The following GPHN variants were observed in gnomAD, a reference collection of about 807,000 sequenced individuals.
GPHN encodes gephyrin.
In GPHN, 17 loss-of-function variants were observed where a neutral mutation model predicts 95.5. The observed-to-expected ratio is 0.18, with a 90% CI of 0.12 to 0.27. The LOEUF (loss-of-function observed/expected upper bound fraction) is 0.27. Ranked by LOEUF, GPHN falls within the 10% of genes least tolerant of loss-of-function variation. The pLI, the probability that GPHN is intolerant of heterozygous loss-of-function variation, is 1.00. For synonymous variants in GPHN, 320 were observed against 322.5 expected (o/e 0.99, Z 0.08); for missense variants, 660 against 978.1 (o/e 0.67, Z 4.34).
At chr14:66,509,031 CT>C in intron 1 of GPHN, 1 of 234,964 alleles carries the variant, frequency 4.3e-6, no homozygotes, top group Non-Finnish European at 8.4e-6. Context: ...CTCTCCTTCC[CT>C]TCCCCCCACC....
chr14:66,854,463 T>A (rs1696241514), intron 4 of GPHN, among the ~76,000 whole-genome samples: 1 of 152,250 alleles, frequency 6.6e-6, no homozygotes, highest in Non-Finnish European at 1.5e-5. Context: ...ATCTTAAATG[T>A]ACATACTTTT....
At chr14:66,809,116 GAC>G (rs1236639813) in intron 3 of GPHN, among the ~76,000 whole-genome samples, 2 of 152,134 alleles carry the variant, frequency 1.3e-5, no homozygotes, top group African/African-American at 4.8e-5. Context: ...GCAAAGGAAA[GAC>G]ATTTTCAGAT....
intron 9 of GPHN, among the ~76,000 whole-genome samples, chr14:67,008,962 A>G (rs1034730883): frequency 1.3e-5 from 2 of 152,204 alleles, no homozygotes; most frequent in African/African-American, 4.8e-5. Flanking sequence ...TGAAGGTTGA[A>G]GTAAAAAATG....
the GPHN span, chr14:67,208,043 A>G: frequency 1.6e-6 from 1 of 637,858 alleles, no homozygotes; most frequent in Non-Finnish European, 1.9e-6. Context: ...GGCTCTCCCA[A>G]TGGTCGTGCC....
the GPHN span, among the ~76,000 whole-genome samples, chr14:67,603,108 C>T: frequency 3.3e-5 from 5 of 149,822 alleles, no homozygotes; most frequent in East Asian, 3.9e-4. Flanking sequence ...GCTCTGTCAC[C>T]GAAAGCGGAG....
At chr14:66,897,539 T>C (rs2064916625) in intron 5 of GPHN, among the ~76,000 whole-genome samples, 1 of 152,078 alleles carries the variant, frequency 6.6e-6, no homozygotes, top group Non-Finnish European at 1.5e-5. Flanking sequence ...ATTTTCTAGT[T>C]CAATATTTTG....
chr14:66,943,290 G>T (rs1053540656), intron 8 of GPHN, among the ~76,000 whole-genome samples: 2 of 152,046 alleles, frequency 1.3e-5, no homozygotes, highest in African/African-American at 4.8e-5. Context: ...TTTATTTCCA[G>T]TAGTTTGAGT....
At chr14:66,949,993 G>GA (rs71129809) in intron 8 of GPHN, among the ~76,000 whole-genome samples, 3,518 of 56,840 alleles carry the variant, frequency 0.062, 76 homozygotes, top group East Asian at 0.087. Context: ...TTTAGGACAG[G>GA]AAAAAAAAAA....
intron 9 of GPHN, among the ~76,000 whole-genome samples, chr14:66,997,157 G>A (rs1250512332): frequency 3.3e-5 from 5 of 151,996 alleles, no homozygotes; most frequent in African/African-American, 4.8e-5. Flanking sequence ...CTTGAGGTCA[G>A]GAGTTTGAGA....
the GPHN span, among the ~76,000 whole-genome samples, chr14:67,327,474 G>T: frequency 2.6e-5 from 4 of 151,576 alleles, no homozygotes; most frequent in Non-Finnish European, 5.9e-5. Context: ...GGTTTTAAAT[G>T]TATTTTTATT....
intron 2 of GPHN, among the ~76,000 whole-genome samples, chr14:66,714,918 G>A (rs2070023995): frequency 6.6e-6 from 1 of 151,978 alleles, no homozygotes; most frequent in African/African-American, 2.4e-5. Flanking sequence ...TGTTCTTCAG[G>A]GATATTGGTC....
At chr14:67,595,613 C>G in the GPHN span, among the ~76,000 whole-genome samples, 1 of 152,306 alleles carries the variant, frequency 6.6e-6, no homozygotes, top group South Asian at 2.1e-4. Context: ...GAGGGGAGAT[C>G]TGCTGGAGGG....
At chr14:67,590,249 A>ATTT in the GPHN span, 246 of 732,892 alleles carry the variant, frequency 3.4e-4, no homozygotes, top group South Asian at 6.3e-4. Context: ...CCACTTGCAA[A>ATTT]TTTTTTTTTT....
downstream of GPHN, among the ~76,000 whole-genome samples, chr14:67,183,959 TC>T (rs564020851): frequency 4.3e-3 from 656 of 152,136 alleles, 3 homozygotes; most frequent in African/African-American, 0.015. Flanking sequence ...GCTCAAGTGA[TC>T]CTTCCATCTC....
chr14:67,557,614 G>T, the GPHN span, among the ~76,000 whole-genome samples: 1 of 152,250 alleles, frequency 6.6e-6, no homozygotes, highest in South Asian at 2.1e-4. Flanking sequence ...CCAGGCAGGG[G>T]ATAGAGTAGA....
chr14:67,569,159 G>C, the GPHN span: 1 of 1,612,702 alleles, frequency 6.2e-7, no homozygotes, highest in Admixed American at 1.7e-5. Flanking sequence ...CTATGCTGTG[G>C]CCACATCGGG....
the GPHN span, among the ~76,000 whole-genome samples, chr14:67,422,218 A>G: frequency 6.6e-6 from 1 of 152,102 alleles, no homozygotes; most frequent in Admixed American, 6.5e-5. Context: ...TATAGCTTAG[A>G]GCACCCTCCA....
At chr14:66,654,030 T>A (rs1463659808) in intron 1 of GPHN, among the ~76,000 whole-genome samples, 1 of 152,230 alleles carries the variant, frequency 6.6e-6, no homozygotes, top group East Asian at 1.9e-4. Flanking sequence ...AATTGTGCAT[T>A]CCAACCAGTG....
At chr14:66,831,507 T>G (rs183856947) in intron 4 of GPHN, among the ~76,000 whole-genome samples, 1 of 152,300 alleles carries the variant, frequency 6.6e-6, no homozygotes, top group East Asian at 1.9e-4. Context: ...TCATCCTAAT[T>G]TTATGAAATA....
Sources: gnomAD v4.1 joint callset for allele counts (sites outside exome capture counted in the v4.1 genomes callset) on GRCh38, gnomAD v4.1.1 for gene constraint, MANE v1.5 for transcripts, NCBI Gene and HGNC (gene_info 2026-07-23, HGNC 2026-07-21) for gene names.